IFFO2: variants seen among roughly 807,000 people sequenced by gnomAD.
The protein encoded by IFFO2 is intermediate filament family orphan 2.
Under a neutral mutation model 53.5 loss-of-function variants are expected in IFFO2, and 19 were observed. The ratio of observed to expected loss-of-function variants is 0.36; its 90% CI spans 0.25 to 0.52. The LOEUF (loss-of-function observed/expected upper bound fraction) is 0.52, where lower values mean the gene tolerates loss of function less well. Ranked by LOEUF, IFFO2 falls within the 20% of genes least tolerant of loss-of-function variation. The pLI, the probability that IFFO2 is intolerant of heterozygous loss-of-function variation, is 0.94. For missense variants in IFFO2, 570 were observed against 727.4 expected (o/e 0.78, Z 2.49); for synonymous variants, 303 against 313.6 (o/e 0.97, Z 0.36).
rs544729773 is a variant in IFFO2 at position 18,918,289 on chromosome 1, C to G, written c.963+73G>C. 3.4e-6 allele frequency: 5 copies of G among 1,471,650 alleles called. No individual in the cohort carries two copies. Among genetic ancestry groups the G allele is most frequent in the Middle Eastern group, 1.9e-4 (1 of 5,144 alleles). The allele number at this position is 1,471,650 out of a possible 1,614,324, so 91.2% of individuals were successfully genotyped here. On this transcript the variant is annotated intron_variant, in intron 4 of 8. Transcript: ENST00000455833. The surrounding 1 kb of genome is among the most constrained non-coding windows in gnomAD (Gnocchi z 5.2). ...GGGATGTGGAGGCAAACGGGTTGGC[C>G]GGGCAGGGGTGGAGGCCAGGGCTGC...
In IFFO2 at chr1:18,913,823, GTTTTT is replaced by G. The variant is rs10708996; in HGVS notation, c.1104-1745_1104-1741del. 9.1e-3 allele frequency among the ~76,000 whole-genome samples: 1,369 copies of G among 151,136 alleles called. 19 individuals are homozygous for G. The highest frequency in any genetic ancestry group is 0.031 in the African/African-American group (1,283 of 40,862). On this transcript the variant is annotated intron_variant, in intron 5 of 8. Coordinates refer to ENST00000455833, the MANE Select transcript of IFFO2 (RefSeq NM_001136265.2). ...GGTTTCGTTGTTTGTTGTTGTTGTTGTTTTTTTGTTTGTTTGTTTGTTTGTTTGAG... is the reference window on the plus strand; with the variant it reads ...GGTTTCGTTGTTTGTTGTTGTTGTTGTTGTTTGTTTGTTTGTTTGTTTGAG...
chr1:18,917,488 C>T lies in IFFO2; in HGVS notation c.964-446G>A, dbSNP rs1010364470. Among the ~76,000 whole-genome samples the T allele has an allele frequency of 6.6e-6, 1 of 152,122 alleles. No individual in the cohort carries two copies. The highest frequency in any genetic ancestry group is 1.5e-5 in the Non-Finnish European group (1 of 68,026). ...CAAAGGACAGACGGCCCAAGGTTCACCGAAAGCTTCCACTCCAAGCAGACA... is the reference window on the plus strand; with the variant it reads ...CAAAGGACAGACGGCCCAAGGTTCATCGAAAGCTTCCACTCCAAGCAGACA... On this transcript the variant is annotated intron_variant, in intron 4 of 8. Transcript: ENST00000455833. The surrounding 1 kb of genome is among the most constrained non-coding windows in gnomAD (Gnocchi z 5.9).
intron 1 of IFFO2, among the ~76,000 whole-genome samples, chr1:18,932,181 C>G (rs925533688): frequency 4.6e-5 from 7 of 152,224 alleles, no homozygotes; most frequent in African/African-American, 1.4e-4. Flanking sequence ...TCATAAAGAT[C>G]CCCCCTGCCT....
chr1:18,932,359 C>T (rs1384834311), intron 1 of IFFO2, among the ~76,000 whole-genome samples: 20 of 152,212 alleles, frequency 1.3e-4, no homozygotes, highest in Non-Finnish European at 2.9e-5. Flanking sequence ...CTCCACTGCG[C>T]TATGGAAATC....
At chr1:18,913,370 A>G (rs1295020216) in intron 5 of IFFO2, among the ~76,000 whole-genome samples, 1 of 152,106 alleles carries the variant, frequency 6.6e-6, no homozygotes, top group Non-Finnish European at 1.5e-5. Flanking sequence ...TGCATCACAC[A>G]CTCAATTCCT....
At chr1:18,934,761 T>C (rs1335665579) in intron 1 of IFFO2, among the ~76,000 whole-genome samples, 1 of 152,208 alleles carries the variant, frequency 6.6e-6, no homozygotes, top group South Asian at 2.1e-4. Context: ...TGCGACCATA[T>C]GTGGTTTTCA....
chr1:18,932,703 T>C (rs1440470942), intron 1 of IFFO2, among the ~76,000 whole-genome samples: 2 of 152,298 alleles, frequency 1.3e-5, no homozygotes, highest in South Asian at 2.1e-4. Context: ...CTCCCTGCCA[T>C]GGAAAATGGG....
At position 18,908,417 on chromosome 1, in the gene IFFO2, C is replaced by G; in HGVS notation, c.*144G>C. 1.6e-6 allele frequency: 1 copy of G among 632,772 alleles called. No homozygotes were observed. Among genetic ancestry groups the G allele is most frequent in the South Asian group, 1.8e-5 (1 of 56,584 alleles). 39.2% of individuals were successfully genotyped at this position (632,772 alleles called of 1,614,324 possible). On this transcript the variant is annotated 3_prime_UTR_variant, in exon 9 of 9. Coordinates refer to ENST00000455833, the MANE Select transcript of IFFO2 (RefSeq NM_001136265.2). ...TGGAAGGAAGGAAGGAAGCAGCAGT[C>G]CCTCAGGGCCTCCAGAGAAGGGAGG...
At chr1:18,935,495 T>C (rs1439968847) in intron 1 of IFFO2, among the ~76,000 whole-genome samples, 1 of 151,970 alleles carries the variant, frequency 6.6e-6, no homozygotes, top group East Asian at 1.9e-4. Flanking sequence ...TTCCCCTTTG[T>C]CCTTTTCCTC....
In IFFO2 at chr1:18,911,429, G is replaced by A. The variant is rs1270341347; in HGVS notation, c.1272C>T (p.Phe424=). The change falls in exon 7 of 9, where the codon TTC becomes TTT. Residue 424 remains phenylalanine, a synonymous_variant. Transcript: ENST00000455833. ...GNLIHETESF[F]KTRDKEYQET... Reference sequence around the variant, plus strand: ...CCTGGTACTCCTTGTCTCTCGTCTTGAAGAAGGATTCGGTCTCATGGATCA... The same window carrying A: ...CCTGGTACTCCTTGTCTCTCGTCTTAAAGAAGGATTCGGTCTCATGGATCA... 2 of 1,524,944 alleles carry A rather than the reference G, an allele frequency of 1.3e-6. No homozygotes were observed. Among genetic ancestry groups the A allele is most frequent in the South Asian group, 1.3e-5 (1 of 78,900 alleles). 94.5% of individuals were successfully genotyped at this position (1,524,944 alleles called of 1,614,324 possible).
At position 18,917,944 on chromosome 1, in the gene IFFO2, C is replaced by T. The variant is rs1936159649; in HGVS notation, c.963+418G>A. Among the ~76,000 whole-genome samples, 1 of 152,242 alleles carries T rather than the reference C, an allele frequency of 6.6e-6. No individual in the cohort carries two copies. Among genetic ancestry groups the T allele is most frequent in the Non-Finnish European group, 1.5e-5 (1 of 68,040 alleles). On this transcript the variant is annotated intron_variant, in intron 4 of 8. Transcript: ENST00000455833. The surrounding 1 kb of genome is among the most constrained non-coding windows in gnomAD (Gnocchi z 5.9). ...CCCTCTACCAGAGCTCAGGCCAGCT[C>T]CCCCACTTCTCCCCATAACCTGGCC...
At chr1:18,955,571 C>T in intron 1 of IFFO2, 97 bp downstream of exon 1, 2 of 1,443,554 alleles carry the variant, frequency 1.4e-6, no homozygotes, top group Non-Finnish European at 1.8e-6. Flanking sequence ...CTGCCAGTAC[C>T]AGCTGCCCGC....
intron 1 of IFFO2, among the ~76,000 whole-genome samples, chr1:18,926,133 G>A (rs1415403327): frequency 6.6e-6 from 1 of 151,420 alleles, no homozygotes; most frequent in Non-Finnish European, 1.5e-5. Context: ...ATGGATGGAT[G>A]GATGGATGGA....
intron 1 of IFFO2, among the ~76,000 whole-genome samples, chr1:18,953,225 C>T (rs115983706): frequency 0.01 from 1,583 of 152,262 alleles, 35 homozygotes; most frequent in African/African-American, 0.036. Flanking sequence ...GGATCAGAAG[C>T]GGGCTGGGAG....
At chr1:18,950,058 G>A (rs1463036044) in intron 1 of IFFO2, among the ~76,000 whole-genome samples, 3 of 152,218 alleles carry the variant, frequency 2.0e-5, no homozygotes, top group African/African-American at 7.2e-5. Flanking sequence ...AGTTCTCAAG[G>A]GACCCGAGGC....
At chr1:18,940,562 C>CGGATGGATGGAT (rs142740984) in intron 1 of IFFO2, among the ~76,000 whole-genome samples, 169 of 148,418 alleles carry the variant, frequency 1.1e-3, no homozygotes, top group East Asian at 3.4e-3. Context: ...GATGGACAAA[C>CGGATGGATGGAT]GGATGGATGG....
At chr1:18,927,864 G>A (rs1557643930) in intron 1 of IFFO2, among the ~76,000 whole-genome samples, 1 of 152,234 alleles carries the variant, frequency 6.6e-6, no homozygotes, top group Non-Finnish European at 1.5e-5. Context: ...AGCCCTTCTA[G>A]AGAACCTGAA....
chr1:18,919,760 G>T lies in IFFO2; in HGVS notation c.740C>A (p.Ala247Asp). Reference sequence around the variant, plus strand: ...ATTCATCTCCTCCTGGATGGCATCAGCCTCCTGTGCTGCCTGCGGGGACGG... The same window carrying T: ...ATTCATCTCCTCCTGGATGGCATCATCCTCCTGTGCTGCCTGCGGGGACGG... ...VDTLQEAAQEADAIQEEMNEK... is the reference protein window; with the variant it reads ...VDTLQEAAQEDDAIQEEMNEK... Residue 247 changes from alanine to aspartate, a missense_variant, in exon 3 of 9, where the codon GCT becomes GAT. Transcript: ENST00000455833. The surrounding 1 kb of genome is among the most constrained non-coding windows in gnomAD (Gnocchi z 4.9). 1 of 1,551,306 alleles carries T rather than the reference G, an allele frequency of 6.4e-7. No homozygotes were observed. Among genetic ancestry groups the T allele is most frequent in the Non-Finnish European group, 8.7e-7 (1 of 1,146,722 alleles).
chr1:18,953,123 T>C (rs551718840), intron 1 of IFFO2, among the ~76,000 whole-genome samples: 5 of 152,286 alleles, frequency 3.3e-5, no homozygotes, highest in African/African-American at 4.8e-5. Flanking sequence ...GTAATAGATA[T>C]CCTGGGATGA....
Sources: gnomAD v4.1 joint callset for allele counts (sites outside exome capture counted in the v4.1 genomes callset) on GRCh38, gnomAD v4.1.1 for gene constraint, Gnocchi (gnomAD v3.1) non-coding constraint, MANE v1.5 for transcripts, NCBI Gene and HGNC (gene_info 2026-07-23, HGNC 2026-07-21) for gene names.